RSPO4: variants seen among roughly 807,000 people sequenced by gnomAD.
RSPO4 encodes the protein R-spondin 4, also known as R-spondin-4.
In RSPO4, 23 loss-of-function variants were observed where a neutral mutation model predicts 24.8. The ratio of observed to expected loss-of-function variants is 0.93; its 90% CI spans 0.67 to 1.31. The LOEUF (loss-of-function observed/expected upper bound fraction) is 1.31, where lower values mean the gene tolerates loss of function less well. Ranked by LOEUF, RSPO4 falls within the 40% of genes most tolerant of loss-of-function variation. RSPO4 has a pLI of 0.00. For synonymous variants in RSPO4, 141 were observed against 127.4 expected (o/e 1.11, Z -0.72); for missense variants, 333 against 316.5 (o/e 1.05, Z -0.39).
intron 1 of RSPO4, among the ~76,000 whole-genome samples, chr20:976,571 T>TC: frequency 6.6e-6 from 1 of 151,582 alleles, no homozygotes; most frequent in East Asian, 1.9e-4. Flanking sequence ...ATCGCTGTAT[T>TC]TTTTTTTTCC....
chr20:959,692 C>G lies in RSPO4; in HGVS notation c.*665G>C, dbSNP rs1372838190. 1 of 152,376 alleles carries G rather than the reference C, an allele frequency of 6.6e-6. No homozygotes were observed. The highest frequency in any genetic ancestry group is 2.4e-5 in the African/African-American group (1 of 41,464). 9.4% of individuals were successfully genotyped at this position (152,376 alleles called of 1,614,324 possible). A position where few individuals can be genotyped will look rare whatever the true frequency, so the allele number is the denominator to read the frequency against. ...CTCCACGGCCAGCTGGGGGAGGTGTCCAAGCCAGGCCTCTGGAAGCCCTGG... is the reference window on the plus strand; with the variant it reads ...CTCCACGGCCAGCTGGGGGAGGTGTGCAAGCCAGGCCTCTGGAAGCCCTGG... On this transcript the variant is annotated 3_prime_UTR_variant, in exon 5 of 5. Coordinates refer to ENST00000217260, the MANE Select transcript of RSPO4 (RefSeq NM_001029871.4).
intron 1 of RSPO4, among the ~76,000 whole-genome samples, chr20:968,967 C>T (rs934531681): frequency 2.0e-5 from 3 of 152,218 alleles, no homozygotes; most frequent in African/African-American, 7.2e-5. Context: ...CTGACCATCA[C>T]CCCAGGACCC....
Position 1,002,196 on chromosome 20 carries a change from A to T in RSPO4, c.-32T>A. The T allele has an allele frequency of 1.3e-6, 2 of 1,494,216 alleles. No individual in the cohort carries two copies. The highest frequency in any genetic ancestry group is 1.8e-6 in the Non-Finnish European group (2 of 1,120,988). The allele number at this position is 1,494,216 out of a possible 1,614,324, so 92.6% of individuals were successfully genotyped here. ...AGCCGGATCCGGGCTGGCGCTCCCC[A>T]GGCGGCCCGACGGCCCAAGGGCCCC... On this transcript the variant is annotated 5_prime_UTR_variant, in exon 1 of 5. Transcript: ENST00000217260. The surrounding 1 kb of genome is among the most constrained non-coding windows in gnomAD (Gnocchi z 4.6).
intron 1 of RSPO4, among the ~76,000 whole-genome samples, chr20:971,404 C>A (rs1328914550): frequency 1.3e-5 from 2 of 152,202 alleles, no homozygotes; most frequent in Non-Finnish European, 1.5e-5. Flanking sequence ...TAGAAAGAGA[C>A]AAAGATATTT....
At chr20:960,864 C>T (rs2122204105) in intron 4 of RSPO4, among the ~76,000 whole-genome samples, 1 of 152,370 alleles carries the variant, frequency 6.6e-6, no homozygotes, top group Non-Finnish European at 1.5e-5. Context: ...GGACACCTTT[C>T]ATCTGTGTCC....
At chr20:979,130 A>C (rs1984657260) in intron 1 of RSPO4, among the ~76,000 whole-genome samples, 1 of 152,032 alleles carries the variant, frequency 6.6e-6, no homozygotes, top group Non-Finnish European at 1.5e-5. Context: ...CACTTCTGAA[A>C]TATGTCTGGG....
chr20:961,859 A>G (rs1355782465), intron 4 of RSPO4, among the ~76,000 whole-genome samples: 2 of 151,558 alleles, frequency 1.3e-5, no homozygotes, highest in Non-Finnish European at 2.9e-5. Flanking sequence ...ATACCCAATG[A>G]CCCATCCATC....
chr20:983,316 T>C (rs1202816081), intron 1 of RSPO4, among the ~76,000 whole-genome samples: 1 of 152,206 alleles, frequency 6.6e-6, no homozygotes, highest in East Asian at 1.9e-4. Context: ...AAGCAGAGCC[T>C]TGGTCTTGAT....
chr20:986,851 T>TA (rs1984938324), intron 1 of RSPO4, among the ~76,000 whole-genome samples: 1 of 151,980 alleles, frequency 6.6e-6, no homozygotes, highest in Admixed American at 6.6e-5. Flanking sequence ...ACAAGGAATT[T>TA]AAAAAAGAAA....
At chr20:983,024 A>G (rs1984790179) in intron 1 of RSPO4, among the ~76,000 whole-genome samples, 1 of 152,256 alleles carries the variant, frequency 6.6e-6, no homozygotes, top group African/African-American at 2.4e-5. Context: ...TGTGAGCTCC[A>G]GGATTCCAGG....
Position 991,707 on chromosome 20 carries a change from A to G in RSPO4, c.79+10379T>C, listed in dbSNP as rs777960135. 4.8e-4 allele frequency among the ~76,000 whole-genome samples: 73 copies of G among 152,168 alleles called. 1 individual carries two copies. Among genetic ancestry groups the G allele is most frequent in the African/African-American group, 1.7e-3 (72 of 41,574 alleles). ...GTATAAAAATAAAGTGTAAAAATCC[A>G]TTCAAATAAAAAATACATTTGTAAA... On this transcript the variant is annotated intron_variant, in intron 1 of 4. Coordinates refer to ENST00000217260, the MANE Select transcript of RSPO4 (RefSeq NM_001029871.4).
chr20:973,451 T>C lies in RSPO4; in HGVS notation c.80-5313A>G, dbSNP rs370487541. On this transcript the variant is annotated intron_variant, in intron 1 of 4. Coordinates refer to ENST00000217260, the MANE Select transcript of RSPO4 (RefSeq NM_001029871.4). ...GAGTTATAGCACTATTTGTTTTTTG[T>C]TTGTTTTATTGTTTGTTTGTTTGTT... Among the ~76,000 whole-genome samples the C allele has an allele frequency of 2.1e-3, 234 of 111,852 alleles. 1 individual carries two copies. The highest frequency in any genetic ancestry group is 8.7e-3 in the African/African-American group (217 of 25,048). The allele number at this position is 111,852 out of a possible 152,430, so 73.4% of individuals were successfully genotyped here. A position where few individuals can be genotyped will look rare whatever the true frequency, so the allele number is the denominator to read the frequency against.
intron 2 of RSPO4, 146 bp downstream of exon 2, chr20:967,804 A>C: frequency 1.2e-6 from 1 of 864,860 alleles, no homozygotes; most frequent in Non-Finnish European, 1.9e-6. Context: ...CTGCGGAGTC[A>C]GCCTGGACAC....
chr20:973,459 A>ATTGT (rs138891857), intron 1 of RSPO4, among the ~76,000 whole-genome samples: 82,119 of 150,464 alleles, frequency 0.55, 25,670 homozygotes, highest in Non-Finnish European at 0.69. Flanking sequence ...TGTTTGTTTT[A>ATTGT]TTGTTTGTTT....
At chr20:980,357 G>A (rs183155357) in intron 1 of RSPO4, among the ~76,000 whole-genome samples, 6 of 152,176 alleles carry the variant, frequency 3.9e-5, no homozygotes, top group Non-Finnish European at 7.4e-5. Flanking sequence ...GGCCTTCTTC[G>A]GTGTCCGCTT....
intron 2 of RSPO4, 49 bp from the exon 3 acceptor site, chr20:967,363 G>A (rs771866943): frequency 1.9e-6 from 3 of 1,605,498 alleles, no homozygotes; most frequent in Non-Finnish European, 2.6e-6. Context: ...GCCAAGGATG[G>A]GGCCCACTGG....
chr20:988,029 T>C (rs988447219), intron 1 of RSPO4, among the ~76,000 whole-genome samples: 8 of 152,324 alleles, frequency 5.3e-5, no homozygotes, highest in South Asian at 2.1e-4. Flanking sequence ...AGGGAGGGCC[T>C]GGGCTGCCTG....
chr20:997,468 C>T (rs1600102853), intron 1 of RSPO4, among the ~76,000 whole-genome samples: 1 of 152,204 alleles, frequency 6.6e-6, no homozygotes, highest in Admixed American at 6.5e-5. Flanking sequence ...ATGAAGAAAC[C>T]GAAGCCGAGA....
chr20:980,704 G>C (rs1289112525), intron 1 of RSPO4, among the ~76,000 whole-genome samples: 2 of 152,084 alleles, frequency 1.3e-5, no homozygotes, highest in Non-Finnish European at 2.9e-5. Flanking sequence ...GTAAAACCGG[G>C]GTTCAAACTC....
Sources: gnomAD v4.1 joint callset for allele counts (sites outside exome capture counted in the v4.1 genomes callset) on GRCh38, gnomAD v4.1.1 for gene constraint, Gnocchi (gnomAD v3.1) non-coding constraint, MANE v1.5 for transcripts, NCBI Gene and HGNC (gene_info 2026-07-23, HGNC 2026-07-21) for gene names.